KCNK2: variants seen among roughly 807,000 people sequenced by gnomAD.
KCNK2 encodes potassium two pore domain channel subfamily K member 2, also known as potassium channel subfamily K member 2.
In KCNK2, 21 loss-of-function variants were observed where a neutral mutation model predicts 40.5. The observed-to-expected ratio is 0.52, with a 90% CI of 0.37 to 0.75. KCNK2 has a LOEUF of 0.75. Among genes scored for constraint, KCNK2 ranks in the 30% least tolerant of loss-of-function variants. KCNK2 has a pLI of 0.00. For synonymous variants in KCNK2, 191 were observed against 202.2 expected, an observed-to-expected ratio of 0.94 and a Z score of 0.47; for missense variants, 399 against 531.6, an observed-to-expected ratio of 0.75 and a Z score of 2.45.
At chr1:215,020,858 T>C (rs940981307) in intron 1 of KCNK2, among the ~76,000 whole-genome samples, 1 of 152,196 alleles carries the variant, frequency 6.6e-6, no homozygotes, top group African/African-American at 2.4e-5. Context: ...AGATGCATTA[T>C]TGGGATTAAA....
At chr1:215,011,796 C>T (rs181177241) in intron 1 of KCNK2, among the ~76,000 whole-genome samples, 48 of 150,596 alleles carry the variant, frequency 3.2e-4, no homozygotes, top group South Asian at 8.5e-4. Flanking sequence ...TTAGTAGAGA[C>T]GGGGTTTCAC....
At position 215,124,689 on chromosome 1, in the gene KCNK2, A is replaced by G; in HGVS notation, c.414A>G (p.Gln138=). 2 of 1,613,228 alleles carry G rather than the reference A, an allele frequency of 1.2e-6. No individual in the cohort carries two copies. The highest frequency in any genetic ancestry group is 1.1e-5 in the South Asian group (1 of 91,050). The change falls in exon 3 of 7, where the codon CAA becomes CAG. Residue 138 remains glutamine, a synonymous_variant. Transcript: ENST00000444842. ...TACCGTTAGGAAACACCTCCAATCA[A>G]ATCAGTCACTGGGATTTGGGAAGTT... The part of the protein sequence containing the change: ...GIIPLGNTSN[Q]ISHWDLGSSF...
intron 3 of KCNK2, among the ~76,000 whole-genome samples, chr1:215,159,346 G>A (rs1195305590): frequency 2.0e-5 from 3 of 152,120 alleles, no homozygotes; most frequent in Non-Finnish European, 4.4e-5. Context: ...TCTGCGCAGA[G>A]CATATAGGAA....
intron 1 of KCNK2, among the ~76,000 whole-genome samples, chr1:215,042,206 G>A (rs1657593580): frequency 6.6e-6 from 1 of 152,168 alleles, no homozygotes; most frequent in African/African-American, 2.4e-5. Flanking sequence ...AATGCAGAAA[G>A]ACACAGATAG....
intron 2 of KCNK2, among the ~76,000 whole-genome samples, chr1:215,092,168 C>T (rs963408138): frequency 1.1e-4 from 17 of 151,990 alleles, no homozygotes; most frequent in East Asian, 7.7e-4. Context: ...TTGTGAGATA[C>T]GATCAGATTC....
intron 1 of KCNK2, among the ~76,000 whole-genome samples, chr1:215,033,016 A>G (rs1204292560): frequency 6.6e-6 from 1 of 151,744 alleles, no homozygotes; most frequent in East Asian, 1.9e-4. Context: ...TAGTTGTCCC[A>G]CAATTCTTGA....
chr1:215,230,868 A>G (rs1297101871), intron 6 of KCNK2, among the ~76,000 whole-genome samples: 1 of 152,098 alleles, frequency 6.6e-6, no homozygotes, highest in Admixed American at 6.6e-5. Context: ...AGAAAAAAAA[A>G]GTTTCCAAAA....
rs370888268 is a variant in KCNK2, at chr1:215,039,834, C to A, written c.34+33879C>A. On this transcript the variant is annotated intron_variant, in intron 1 of 6. Transcript: ENST00000391895. Reference sequence around the variant, plus strand: ...TGGAGAACTCATCTTCTCTGAACATCCTGAGATCTAGGTACTTGGGACAGA... The same window carrying A: ...TGGAGAACTCATCTTCTCTGAACATACTGAGATCTAGGTACTTGGGACAGA... Among the ~76,000 whole-genome samples, 89 of 152,188 alleles carry A rather than the reference C, an allele frequency of 5.8e-4. 1 individual carries two copies. Among genetic ancestry groups the A allele is most frequent in the African/African-American group, 2.0e-3 (83 of 41,536 alleles).
intron 2 of KCNK2, among the ~76,000 whole-genome samples, chr1:215,115,192 C>T (rs4607848): frequency 0.77 from 116,942 of 152,060 alleles, 45,266 homozygotes; most frequent in Non-Finnish European, 0.79. Context: ...TTTTCATAAC[C>T]ATTTCCCCTG....
chr1:215,161,713 G>A (rs2102625165), intron 3 of KCNK2, among the ~76,000 whole-genome samples: 1 of 152,208 alleles, frequency 6.6e-6, no homozygotes, highest in Non-Finnish European at 1.5e-5. Flanking sequence ...TGCTGAGAAT[G>A]ATGGTTTCTA....
intron 1 of KCNK2, among the ~76,000 whole-genome samples, chr1:215,064,347 G>A (rs1054965449): frequency 8.6e-5 from 13 of 151,730 alleles, no homozygotes; most frequent in South Asian, 2.1e-4. Flanking sequence ...GTGTGTGTAC[G>A]TGTTTTTGTT....
chr1:215,083,512 C>A lies in KCNK2; in HGVS notation c.46+81C>A, dbSNP rs376231574. 4 of 1,014,682 alleles carry A rather than the reference C, an allele frequency of 3.9e-6. No homozygotes were observed. In the East Asian group the frequency reaches 7.1e-5, roughly 18 times the overall value. 62.9% of individuals were successfully genotyped at this position (1,014,682 alleles called of 1,614,324 possible). A position where few individuals can be genotyped will look rare whatever the true frequency, so the allele number is the denominator to read the frequency against. On this transcript the variant is annotated intron_variant, in intron 1 of 6. Transcript: ENST00000444842. ...GCCTTTTCTGGGAGGACTGCAAATG[C>A]CCCCTCTCAGCAAGCGGCCGTTTCC... is the stretch of plus-strand genomic sequence containing the variant.
chr1:215,158,634 A>G (rs965997829), intron 3 of KCNK2, among the ~76,000 whole-genome samples: 10 of 152,292 alleles, frequency 6.6e-5, no homozygotes, highest in African/African-American at 2.4e-4. Flanking sequence ...CTTCTTATGA[A>G]TATGACTCTA....
At chr1:215,201,235 G>C (rs1665068842) in intron 6 of KCNK2, among the ~76,000 whole-genome samples, 1 of 148,122 alleles carries the variant, frequency 6.8e-6, no homozygotes, top group Non-Finnish European at 1.5e-5. Flanking sequence ...TACAGTGGTA[G>C]ATCATATTGG....
At chr1:215,221,363 G>C (rs1479143005) in intron 6 of KCNK2, among the ~76,000 whole-genome samples, 1 of 152,128 alleles carries the variant, frequency 6.6e-6, no homozygotes, top group African/African-American at 2.4e-5. Flanking sequence ...AACAGAGTGA[G>C]ACTCCATCTC....
At chr1:215,209,372 TTA>T (rs1297131217) in intron 6 of KCNK2, among the ~76,000 whole-genome samples, 6 of 54,800 alleles carry the variant, frequency 1.1e-4, no homozygotes, top group South Asian at 4.1e-4. Context: ...TATGCATATA[TTA>T]TATATAAAAT....
At chr1:215,141,996 A>C (rs1390938202) in intron 3 of KCNK2, among the ~76,000 whole-genome samples, 1 of 151,986 alleles carries the variant, frequency 6.6e-6, no homozygotes, top group Admixed American at 6.6e-5. Context: ...GTCTTTTGAA[A>C]TTCTTTCTTC....
chr1:215,212,137 T>C (rs1015567691), intron 6 of KCNK2, among the ~76,000 whole-genome samples: 2 of 152,158 alleles, frequency 1.3e-5, no homozygotes, highest in African/African-American at 4.8e-5. Flanking sequence ...CAAAACTTTA[T>C]AGCTGCAGCA....
chr1:215,053,516 G>A (rs966342093), intron 1 of KCNK2, among the ~76,000 whole-genome samples: 2 of 152,180 alleles, frequency 1.3e-5, no homozygotes, highest in East Asian at 3.8e-4. Flanking sequence ...GATGTTAAAT[G>A]TACAAGATAT....
Sources: gnomAD v4.1 joint callset for allele counts (sites outside exome capture counted in the v4.1 genomes callset) on GRCh38, gnomAD v4.1.1 for gene constraint, MANE v1.5 for transcripts, NCBI Gene and HGNC (gene_info 2026-07-23, HGNC 2026-07-21) for gene names.